The following TBC1D1 variants were observed in gnomAD, a reference collection of about 807,000 sequenced individuals.
TBC1D1 encodes TBC1 domain family member 1, also known as TBC1 (tre-2/USP6, BUB2, cdc16) domain family, member 1.
In TBC1D1, 89 loss-of-function variants were observed where a neutral mutation model predicts 125.6. The observed-to-expected ratio is 0.71, with a 90% CI of 0.60 to 0.85. The LOEUF (loss-of-function observed/expected upper bound fraction) is 0.85. Ranked by LOEUF, TBC1D1 falls within the 40% of genes least tolerant of loss-of-function variation. The probability of loss-of-function intolerance (pLI) is 0.00; values close to 1 mark genes in which losing one functional copy is unlikely to be tolerated. For synonymous variants in TBC1D1, 565 were observed against 564.1 expected (o/e 1.00, Z -0.02); for missense variants, 1,377 against 1,469.2 (o/e 0.94, Z 1.03).
chr4:37,908,966 A>G (rs1717951742), intron 2 of TBC1D1, among the ~76,000 whole-genome samples: 1 of 152,194 alleles, frequency 6.6e-6, no homozygotes, highest in South Asian at 2.1e-4. Context: ...CTTTTCTATG[A>G]TTCTTGGCAA....
intron 2 of TBC1D1, among the ~76,000 whole-genome samples, chr4:37,921,904 T>TA (rs35617746): frequency 1.3e-4 from 20 of 148,978 alleles, no homozygotes; most frequent in African/African-American, 2.2e-4. Context: ...CCAGCTAATT[T>TA]AAAAAAAAAA....
intron 4 of TBC1D1, 37 bp from the exon 5 acceptor site, chr4:38,020,554 G>A: frequency 2.6e-6 from 4 of 1,555,374 alleles, no homozygotes; most frequent in Non-Finnish European, 3.5e-6. Context: ...TGCGTCTTCT[G>A]GATACAACTG....
In TBC1D1 at chr4:38,126,005, C is replaced by A. The variant is rs974559985; in HGVS notation, c.3132+874C>A. Among the ~76,000 whole-genome samples, 6 of 152,280 alleles carry A rather than the reference C, an allele frequency of 3.9e-5. 1 individual carries two copies. The South Asian group carries it at 1.0e-3, about 26-fold the overall frequency. On this transcript the variant is annotated intron_variant, in intron 18 of 19. Transcript: ENST00000261439. ...CATGTGTCACTTAATAATAGCAATA[C>A]GTTTTGAGAACTGCATCATTAGGTG...
Position 38,035,675 on chromosome 4 carries a change from A to C in TBC1D1, c.1390A>C (p.Ile464Leu), listed in dbSNP as rs111284604. Residue 464 changes from isoleucine to leucine, a missense_variant, in exon 8 of 20, where the codon ATC becomes CTC. By Grantham distance (5) the Ile-to-Leu change is conservative (BLOSUM62 2). Around this residue, in one of 3 missense-constraint regions of TBC1D1, gnomAD observed 822 missense variants for 824.6 expected, o/e 1.00. Transcript: ENST00000261439. ...ATATGAAGAGAAACAGAAAGAACAC[A>C]TCCATATTGGGGAGATGAAGCAGGT... 14 of 1,613,328 alleles carry C rather than the reference A, an allele frequency of 8.7e-6. No homozygotes were observed. The East Asian group carries it at 3.1e-4, about 36-fold the overall frequency.
chr4:37,996,021 G>T, intron 2 of TBC1D1: 2 of 518,792 alleles, frequency 3.9e-6, no homozygotes, highest in South Asian at 2.8e-5. Flanking sequence ...GATGTCCAGT[G>T]GGGCCCGGAG....
chr4:38,020,755 C>T (rs1311748609), intron 5 of TBC1D1, 60 bp downstream of exon 5: 1 of 1,436,002 alleles, frequency 7.0e-7, no homozygotes, highest in Non-Finnish European at 9.8e-7. Context: ...TTTAGCTCCA[C>T]TGATTTTTCT....
Position 38,090,219 on chromosome 4 carries a change from A to T in TBC1D1, c.2236+102A>T, listed in dbSNP as rs1197985570. On this transcript the variant is annotated intron_variant, in intron 13 of 19. Transcript: ENST00000261439. Reference sequence around the variant, plus strand: ...GCTGTCTTAAAAATACAGCAGCACGATAGTCTAATGTATACATCTATCTAT... The same window carrying T: ...GCTGTCTTAAAAATACAGCAGCACGTTAGTCTAATGTATACATCTATCTAT... The T allele has an allele frequency of 4.9e-5, 54 of 1,109,986 alleles. No homozygotes were observed. In the East Asian group the frequency reaches 1.1e-3, roughly 22 times the overall value. 68.8% of individuals were successfully genotyped at this position (1,109,986 alleles called of 1,614,324 possible). A position where few individuals can be genotyped will look rare whatever the true frequency, so the allele number is the denominator to read the frequency against.
chr4:37,992,267 C>T (rs1252336634), intron 2 of TBC1D1, among the ~76,000 whole-genome samples: 2 of 151,974 alleles, frequency 1.3e-5, no homozygotes, highest in African/African-American at 2.4e-5. Flanking sequence ...AGTGTAGGCC[C>T]GGACCAGCGC....
chr4:38,106,844 C>T (rs1328609985), intron 15 of TBC1D1, among the ~76,000 whole-genome samples: 1 of 152,174 alleles, frequency 6.6e-6, no homozygotes, highest in African/African-American at 2.4e-5. Flanking sequence ...GCCTGAGCCC[C>T]ACCACGGCCT....
chr4:37,899,134 T>C (rs1715280620), intron 1 of TBC1D1, among the ~76,000 whole-genome samples: 1 of 152,122 alleles, frequency 6.6e-6, no homozygotes, highest in African/African-American at 2.4e-5. Context: ...GGGGCACCTT[T>C]TCTCTAGGAC....
intron 2 of TBC1D1, among the ~76,000 whole-genome samples, chr4:37,965,771 G>A (rs1022322834): frequency 2.6e-5 from 4 of 151,948 alleles, no homozygotes; most frequent in Non-Finnish European, 5.9e-5. Flanking sequence ...ATTTATCTGA[G>A]ATGGAGTCTC....
chr4:38,118,797 C>T (rs1279001292), intron 17 of TBC1D1, among the ~76,000 whole-genome samples: 1 of 152,358 alleles, frequency 6.6e-6, no homozygotes, highest in East Asian at 1.9e-4. Flanking sequence ...CACTCCCGTG[C>T]CCCCGCTGTT....
chr4:38,014,491 G>T lies in TBC1D1; in HGVS notation c.418-18G>T, dbSNP rs770375825. ...CCACACTGCATGTTCCAAATAACAC[G>T]CCTCTCTCTCTCCTCAGGTGCCTGA... On this transcript the variant is annotated intron_variant, in intron 2 of 19. Transcript: ENST00000261439. The surrounding 1 kb of genome is among the most constrained non-coding windows in gnomAD (Gnocchi z 5.1). The T allele has an allele frequency of 6.2e-7, 1 of 1,604,162 alleles. No individual in the cohort carries two copies. Among genetic ancestry groups the T allele is most frequent in the East Asian group, 2.2e-5 (1 of 44,696 alleles).
intron 7 of TBC1D1, among the ~76,000 whole-genome samples, chr4:38,029,257 A>G (rs1745671603): frequency 6.6e-6 from 1 of 152,196 alleles, no homozygotes; most frequent in East Asian, 1.9e-4. Flanking sequence ...CAAGACAGCT[A>G]GCAACTGGGT....
At chr4:38,108,998 C>T (rs1194393599) in intron 15 of TBC1D1, among the ~76,000 whole-genome samples, 1 of 152,194 alleles carries the variant, frequency 6.6e-6, no homozygotes, top group Non-Finnish European at 1.5e-5. Flanking sequence ...CAGCATCGTG[C>T]ACTTTGAGGG....
chr4:37,941,971 G>A (rs1046335416), intron 2 of TBC1D1, among the ~76,000 whole-genome samples: 15 of 152,220 alleles, frequency 9.9e-5, no homozygotes, highest in Admixed American at 2.6e-4. Flanking sequence ...GAATAAGTGC[G>A]ATGTGGTGCT....
chr4:38,128,722 T>C (rs1765071207), intron 18 of TBC1D1, among the ~76,000 whole-genome samples: 1 of 152,066 alleles, frequency 6.6e-6, no homozygotes, highest in African/African-American at 2.4e-5. Context: ...ATTCCAAAGG[T>C]GACAGAGCCC....
At chr4:38,025,319 G>C (rs954048316) in intron 6 of TBC1D1, among the ~76,000 whole-genome samples, 1 of 152,162 alleles carries the variant, frequency 6.6e-6, no homozygotes, top group Non-Finnish European at 1.5e-5. Flanking sequence ...GGCATCACCT[G>C]GGCCTCTCTG....
At chr4:38,093,320 T>C (rs896194734) in intron 13 of TBC1D1, among the ~76,000 whole-genome samples, 3 of 152,162 alleles carry the variant, frequency 2.0e-5, no homozygotes, top group African/African-American at 7.2e-5. Context: ...AAATATTTTT[T>C]ACTATTCTGG....
Sources: allele counts gnomAD v4.1 joint callset (sites outside exome capture counted in the v4.1 genomes callset), GRCh38; gene constraint gnomAD v4.1.1; regional missense constraint gnomAD v4.1.1; non-coding constraint Gnocchi (gnomAD v3.1); transcripts MANE v1.5; gene names NCBI Gene and HGNC (gene_info 2026-07-23, HGNC 2026-07-21).